Variants in ZFYVE28 observed in about 807,000 individuals in gnomAD.
The protein encoded by ZFYVE28 is zinc finger FYVE-type containing 28, also known as lateral signaling target protein 2 homolog.
ZFYVE28 carries 40 observed loss-of-function variants against 82.1 expected under a neutral mutation model. The observed-to-expected ratio is 0.49, with a 90% CI of 0.38 to 0.63. The LOEUF (loss-of-function observed/expected upper bound fraction) is 0.63. Ranked by LOEUF, ZFYVE28 falls within the 30% of genes least tolerant of loss-of-function variation. The pLI is 0.00. For missense variants in ZFYVE28, 1,321 were observed against 1,242.1 expected (o/e 1.06, Z -0.96); for synonymous variants, 612 against 546.1 (o/e 1.12, Z -1.68).
At chr4:2,403,819 A>G (rs1424186990) in intron 1 of ZFYVE28, among the ~76,000 whole-genome samples, 1 of 152,064 alleles carries the variant, frequency 6.6e-6, no homozygotes, top group African/African-American at 2.4e-5. Context: ...ACAAAAAAAA[A>G]TTAGCTGGGT....
Position 2,418,343 on chromosome 4 carries a change from G to T in ZFYVE28, c.-20C>A. The T allele has an allele frequency of 1.3e-6, 2 of 1,497,616 alleles. No individual in the cohort carries two copies. Among genetic ancestry groups the T allele is most frequent in the Non-Finnish European group, 1.8e-6 (2 of 1,120,320 alleles). The allele number at this position is 1,497,616 out of a possible 1,614,324, so 92.8% of individuals were successfully genotyped here. On this transcript the variant is annotated 5_prime_UTR_variant, in exon 1 of 13. Transcript: ENST00000290974. The surrounding 1 kb of genome is among the most constrained non-coding windows in gnomAD (Gnocchi z 4.6). ...CATCATCGCCGCGCCGGCCCTGGCC[G>T]GACTCCGGGCGGCCCTCGCCCTCCG... is the stretch of plus-strand genomic sequence containing the variant.
intron 2 of ZFYVE28, among the ~76,000 whole-genome samples, chr4:2,348,297 A>G (rs1420852247): frequency 2.0e-5 from 3 of 152,244 alleles, no homozygotes; most frequent in African/African-American, 7.2e-5. Flanking sequence ...TTTATTCAAG[A>G]AATTAAATTT....
Position 2,305,383 on chromosome 4 carries a change from T to C in ZFYVE28, c.957A>G (p.Pro319=). The change falls in exon 8 of 13, where the codon CCA becomes CCG. Residue 319 remains proline (P), a synonymous_variant. Transcript: ENST00000290974. ...ALSAPLPPEG[P]LSAKAKDPDA... ...CCGGGTCTTTGGCCTTAGCTGAGAGTGGCCCCTCAGGGGGGAGAGGGGCAG... is the reference window on the plus strand; with the variant it reads ...CCGGGTCTTTGGCCTTAGCTGAGAGCGGCCCCTCAGGGGGGAGAGGGGCAG... The C allele has an allele frequency of 6.2e-7, 1 of 1,612,500 alleles. No individual in the cohort carries two copies. The highest frequency in any genetic ancestry group is 8.5e-7 in the Non-Finnish European group (1 of 1,179,690).
chr4:2,356,705 C>T (rs1169243426), intron 1 of ZFYVE28, among the ~76,000 whole-genome samples: 1 of 152,204 alleles, frequency 6.6e-6, no homozygotes, highest in African/African-American at 2.4e-5. Context: ...CACTCTTAAC[C>T]TTGTTCCTGC....
intron 8 of ZFYVE28, among the ~76,000 whole-genome samples, chr4:2,293,367 G>A (rs1714025522): frequency 6.6e-6 from 1 of 151,726 alleles, no homozygotes; most frequent in South Asian, 2.1e-4. Context: ...CTTCTCAGAT[G>A]ACAAGATCAT....
chr4:2,355,232 AT>A (rs1560269754), intron 1 of ZFYVE28, among the ~76,000 whole-genome samples: 7,101 of 30,710 alleles, frequency 0.23, 1,585 homozygotes, highest in Non-Finnish European at 0.29. Flanking sequence ...ATATATATAT[AT>A]ATATATATAT....
At chr4:2,313,888 G>T (rs1411708150) in intron 7 of ZFYVE28, among the ~76,000 whole-genome samples, 1 of 150,172 alleles carries the variant, frequency 6.7e-6, no homozygotes, top group Non-Finnish European at 1.5e-5. Flanking sequence ...TCTGGCAATT[G>T]TTGGATGTAA....
chr4:2,296,976 G>A (rs1464785299), intron 8 of ZFYVE28, among the ~76,000 whole-genome samples: 1 of 152,212 alleles, frequency 6.6e-6, no homozygotes. Context: ...CTGCAGGGAG[G>A]GAAGCGTGGG....
chr4:2,337,599 G>C (rs1240216658), intron 4 of ZFYVE28, 103 bp from the exon 5 acceptor site: 6 of 886,336 alleles, frequency 6.8e-6, no homozygotes, highest in Non-Finnish European at 1.0e-5. Context: ...TGCTGGGCAA[G>C]GTGGGGGCGG....
rs73085175 is a variant in ZFYVE28, at chr4:2,299,148, C to T, written c.2051+5141G>A. On this transcript the variant is annotated intron_variant, in intron 8 of 12. Transcript: ENST00000290974. The stretch of plus-strand genomic sequence containing the variant: ...AAAGCCACCAACAGACCAGACGGAA[C>T]ATTTTCAAGTCCAAAAAGCGTGACA... Among the ~76,000 whole-genome samples, 505 of 152,322 alleles carry T rather than the reference C, an allele frequency of 3.3e-3. 3 individuals are homozygous for T. The highest frequency in any genetic ancestry group is 0.012 in the African/African-American group (479 of 41,564).
intron 8 of ZFYVE28, among the ~76,000 whole-genome samples, chr4:2,278,935 C>G (rs1711542002): frequency 6.6e-6 from 1 of 150,396 alleles, no homozygotes; most frequent in Admixed American, 6.6e-5. Flanking sequence ...ATGTTCCCCC[C>G]CCCCTCAAAA....
intron 8 of ZFYVE28, among the ~76,000 whole-genome samples, chr4:2,293,752 CAAAAAAAA>C (rs71644322): frequency 1.2e-5 from 1 of 83,976 alleles, no homozygotes; most frequent in Non-Finnish European, 2.1e-5. Flanking sequence ...GACTCCATCT[CAAAAAAAA>C]AAAAAAAAAA....
chr4:2,367,906 C>CCCAACATGCCAGGT (rs1727055612), intron 1 of ZFYVE28, among the ~76,000 whole-genome samples: 1 of 152,190 alleles, frequency 6.6e-6, no homozygotes, highest in Non-Finnish European at 1.5e-5. Context: ...CTGACTCTGA[C>CCCAACATGCCAGGT]CCAACATGCC....
intron 1 of ZFYVE28, among the ~76,000 whole-genome samples, chr4:2,358,867 T>G (rs1725715463): frequency 6.6e-6 from 1 of 151,942 alleles, no homozygotes; most frequent in Admixed American, 6.6e-5. Flanking sequence ...AGCGGTGTGA[T>G]CACAGCTCAC....
intron 8 of ZFYVE28, among the ~76,000 whole-genome samples, chr4:2,302,444 G>C (rs971155247): frequency 2.0e-5 from 3 of 152,232 alleles, no homozygotes; most frequent in Non-Finnish European, 2.9e-5. Context: ...GACTGCTGAC[G>C]AGTGGGGCAT....
intron 8 of ZFYVE28, among the ~76,000 whole-genome samples, chr4:2,297,056 C>T (rs1207451031): frequency 6.6e-6 from 1 of 152,224 alleles, no homozygotes; most frequent in Non-Finnish European, 1.5e-5. Flanking sequence ...AGGGGCTGAA[C>T]ACCTGTCTGC....
chr4:2,397,660 T>C (rs957896289), intron 1 of ZFYVE28, among the ~76,000 whole-genome samples: 4 of 152,020 alleles, frequency 2.6e-5, no homozygotes, highest in Admixed American at 2.6e-4. Context: ...CTCACGTCGG[T>C]GGAATCAGAC....
At chr4:2,304,011 C>T (rs2108822094) in intron 8 of ZFYVE28, among the ~76,000 whole-genome samples, 1 of 152,352 alleles carries the variant, frequency 6.6e-6, no homozygotes, top group African/African-American at 2.4e-5. Context: ...GCACTGCGCC[C>T]ATGTCACCTG....
Position 2,355,254 on chromosome 4 carries a change from ATATATATATATATAT to A in ZFYVE28, c.40-1196_40-1182del, listed in dbSNP as rs1725118030. Among the ~76,000 whole-genome samples the A allele has an allele frequency of 2.3e-4, 4 of 17,506 alleles. 1 individual carries two copies. The highest frequency in any genetic ancestry group is 1.4e-3 in the African/African-American group (4 of 2,836). 11.5% of individuals were successfully genotyped at this position (17,506 alleles called of 152,430 possible). Reference sequence around the variant, plus strand: ...TATATATATATATATATATATATATATATATATATATATATATAATGATTCTTCTTTTTTTTTTTT... The same window carrying A: ...TATATATATATATATATATATATATAATAATGATTCTTCTTTTTTTTTTTT... On this transcript the variant is annotated intron_variant, in intron 1 of 12. Transcript: ENST00000290974.
Sources: allele counts gnomAD v4.1 joint callset (sites outside exome capture counted in the v4.1 genomes callset), GRCh38; gene constraint gnomAD v4.1.1; non-coding constraint Gnocchi (gnomAD v3.1); transcripts MANE v1.5; gene names NCBI Gene and HGNC (gene_info 2026-07-23, HGNC 2026-07-21).